PTBP3: variants seen among roughly 807,000 people sequenced by gnomAD.
PTBP3 encodes polypyrimidine tract-binding protein 3.
A neutral mutation model predicts 58.7 loss-of-function variants in PTBP3; 20 were observed. That is an observed-to-expected ratio of 0.34 (90% CI 0.24 to 0.50). PTBP3 has a LOEUF of 0.50. PTBP3 is among the 20% of genes least tolerant of loss of function. PTBP3 has a pLI of 0.98. For synonymous variants in PTBP3, 185 were observed against 219.8 expected (o/e 0.84, Z 1.40); for missense variants, 509 against 637.2 (o/e 0.80, Z 2.17).
intron 1 of PTBP3, among the ~76,000 whole-genome samples, chr9:112,327,182 C>G (rs1830192288): frequency 6.9e-6 from 1 of 144,950 alleles, no homozygotes; most frequent in African/African-American, 2.6e-5. Flanking sequence ...CCAGCCCGGG[C>G]AATGACAGAG....
At chr9:112,339,930 A>G in the PTBP3 span, among the ~76,000 whole-genome samples, 1 of 152,150 alleles carries the variant, frequency 6.6e-6, no homozygotes, top group East Asian at 1.9e-4. Flanking sequence ...ACTAAATGTT[A>G]TAAAAATTCA....
At chr9:112,355,421 C>A in the PTBP3 span, among the ~76,000 whole-genome samples, 1 of 152,100 alleles carries the variant, frequency 6.6e-6, no homozygotes, top group Non-Finnish European at 1.5e-5. Context: ...GGTCCAGCTG[C>A]ATACAACAGA....
chr9:112,285,188 T>A (rs943621271), intron 2 of PTBP3, among the ~76,000 whole-genome samples: 8 of 152,310 alleles, frequency 5.3e-5, no homozygotes, highest in Non-Finnish European at 1.0e-4. Context: ...ATGCTCTTCT[T>A]GTGATAGGAA....
chr9:112,335,309 G>A (rs1380417259), upstream of PTBP3, among the ~76,000 whole-genome samples: 2 of 151,470 alleles, frequency 1.3e-5, no homozygotes, highest in African/African-American at 4.9e-5. Flanking sequence ...GTTTTGAGAC[G>A]GAGTCTTGCT....
the PTBP3 span, among the ~76,000 whole-genome samples, chr9:112,350,356 GA>G: frequency 6.6e-6 from 1 of 151,790 alleles, no homozygotes; most frequent in Admixed American, 6.6e-5. Context: ...AAGTAAATAA[GA>G]AAAAAGATTT....
At chr9:112,356,075 T>C in the PTBP3 span, among the ~76,000 whole-genome samples, 2,310 of 151,018 alleles carry the variant, frequency 0.015, 64 homozygotes, top group African/African-American at 0.053. Context: ...CTCTCTCTCT[T>C]AGATGGATTC....
intron 7 of PTBP3, among the ~76,000 whole-genome samples, chr9:112,247,310 A>G (rs1054214623): frequency 6.9e-6 from 1 of 144,060 alleles, no homozygotes; most frequent in Non-Finnish European, 1.5e-5. Flanking sequence ...AAATAAATAA[A>G]TAACAATAGT....
chr9:112,298,613 T>C (rs1828792549), intron 1 of PTBP3: 1 of 497,284 alleles, frequency 2.0e-6, no homozygotes, highest in Non-Finnish European at 4.0e-6. Flanking sequence ...CTATTTTAAA[T>C]AGTACTATTG....
the PTBP3 span, among the ~76,000 whole-genome samples, chr9:112,357,166 G>A: frequency 6.6e-6 from 1 of 152,004 alleles, no homozygotes; most frequent in South Asian, 2.1e-4. Flanking sequence ...ACAGGCATGA[G>A]CCACCGCACC....
chr9:112,218,197 A>C (rs966914149), downstream of PTBP3: 1 of 152,272 alleles, frequency 6.6e-6, no homozygotes, highest in African/African-American at 2.4e-5. Flanking sequence ...GGTGCATCAT[A>C]GGAAGATTAG....
chr9:112,335,721 G>A (rs1280659480), upstream of PTBP3, among the ~76,000 whole-genome samples: 9 of 142,684 alleles, frequency 6.3e-5, no homozygotes, highest in East Asian at 2.3e-4. Flanking sequence ...TCAGGAGTTC[G>A]AAGCCAGCCT....
At chr9:112,369,110 G>C in the PTBP3 span, among the ~76,000 whole-genome samples, 9,295 of 152,320 alleles carry the variant, frequency 0.061, 491 homozygotes, top group African/African-American at 0.12. Context: ...TCCAAGCAGA[G>C]GTGTGCTGCA....
At position 112,241,320 on chromosome 9, in the gene PTBP3, T is replaced by A. The variant is rs575736277; in HGVS notation, c.803-6423A>T. 1.3e-3 allele frequency among the ~76,000 whole-genome samples: 191 copies of A among 152,278 alleles called. 3 individuals carry two copies. Among genetic ancestry groups the A allele is most frequent in the South Asian group, 0.011 (51 of 4,822 alleles). ...GGTTTCATCATGTTGGCCAGGCTGG[T>A]CTCAAACTCTGGACCTCAAGTGATC... On this transcript the variant is annotated intron_variant, in intron 7 of 13. Transcript: ENST00000374257.
chr9:112,367,550 T>C, the PTBP3 span, among the ~76,000 whole-genome samples: 1 of 152,320 alleles, frequency 6.6e-6, no homozygotes, highest in South Asian at 2.1e-4. Context: ...AGGTATAGTA[T>C]TCTTAGTCAG....
At chr9:112,231,070 C>G (rs1328324322) in intron 10 of PTBP3, among the ~76,000 whole-genome samples, 1 of 145,232 alleles carries the variant, frequency 6.9e-6, no homozygotes, top group African/African-American at 2.8e-5. Flanking sequence ...CTCCCCTCCC[C>G]TGTGAAGACA....
At chr9:112,270,013 C>T (rs1183718750) in intron 3 of PTBP3, among the ~76,000 whole-genome samples, 17 of 150,668 alleles carry the variant, frequency 1.1e-4, no homozygotes, top group Non-Finnish European at 2.2e-4. Context: ...GGCGTCATCT[C>T]GGCTCACTAT....
In PTBP3 at chr9:112,330,577, C is replaced by G. The variant is rs1238284773; in HGVS notation, c.-52+2893G>C. On this transcript the variant is annotated intron_variant, in intron 1 of 13. Coordinates refer to ENST00000374257, the MANE Select transcript of PTBP3 (RefSeq NM_001163788.4). ...TAAAGGGGAAAAAGCATTATAATAA[C>G]AAATAATAAAAATAAGAATGTGATG... 7 of 711,224 alleles carry G rather than the reference C, an allele frequency of 9.8e-6. No individual in the cohort carries two copies. The South Asian group carries it at 1.2e-4, about 12-fold the overall frequency. The allele number at this position is 711,224 out of a possible 1,614,324, so 44.1% of individuals were successfully genotyped here.
intron 7 of PTBP3, among the ~76,000 whole-genome samples, chr9:112,244,903 G>A (rs576836495): frequency 6.6e-6 from 1 of 152,144 alleles, no homozygotes; most frequent in South Asian, 2.1e-4. Context: ...TGCCAAGATA[G>A]TCTTGAAGAA....
intron 7 of PTBP3, among the ~76,000 whole-genome samples, chr9:112,245,471 G>C (rs1835840026): frequency 6.6e-6 from 1 of 152,026 alleles, no homozygotes; most frequent in Non-Finnish European, 1.5e-5. Context: ...TGCTGGACAG[G>C]AATCAGGATT....
Sources: gnomAD v4.1 joint callset for allele counts (sites outside exome capture counted in the v4.1 genomes callset) on GRCh38, gnomAD v4.1.1 for gene constraint, MANE v1.5 for transcripts, NCBI Gene and HGNC (gene_info 2026-07-23, HGNC 2026-07-21) for gene names.